ETFA: variants seen among roughly 807,000 people sequenced by gnomAD.
ETFA encodes electron transfer flavoprotein subunit alpha, also known as electron transfer flavoprotein subunit alpha, mitochondrial.
In ETFA, 22 loss-of-function variants were observed where a neutral mutation model predicts 46.2. That is an observed-to-expected ratio of 0.48 (90% CI 0.34 to 0.68). The LOEUF (loss-of-function observed/expected upper bound fraction) is 0.68. Among genes scored for constraint, ETFA ranks in the 30% least tolerant of loss-of-function variants. The probability of loss-of-function intolerance (pLI) is 0.01; values close to 1 mark genes in which losing one functional copy is unlikely to be tolerated. For synonymous variants in ETFA, 131 were observed against 139.9 expected (o/e 0.94, Z 0.45); for missense variants, 345 against 401.1 (o/e 0.86, Z 1.19).
At chr15:76,267,907 C>G (rs2039487795) in intron 9 of ETFA, among the ~76,000 whole-genome samples, 1 of 152,132 alleles carries the variant, frequency 6.6e-6, no homozygotes, top group South Asian at 2.1e-4. Flanking sequence ...AGGTGACAAC[C>G]AGGTGTCTGT....
chr15:76,256,876 C>A (rs1013375711), intron 9 of ETFA, among the ~76,000 whole-genome samples: 1 of 152,220 alleles, frequency 6.6e-6, no homozygotes, highest in East Asian at 1.9e-4. Context: ...GTATTGAGTA[C>A]AGTAACATAC....
intron 9 of ETFA, among the ~76,000 whole-genome samples, chr15:76,263,039 A>T (rs1029185020): frequency 1.2e-4 from 18 of 151,754 alleles, no homozygotes; most frequent in Admixed American, 1.2e-3. Flanking sequence ...TGCTTCTAGC[A>T]CTCCCCTTAT....
At chr15:76,296,279 G>A (rs143113059) in intron 1 of ETFA, among the ~76,000 whole-genome samples, 117 of 152,152 alleles carry the variant, frequency 7.7e-4, no homozygotes, top group Non-Finnish European at 1.5e-3. Context: ...AAATTAGAAC[G>A]CAAATTAGCC....
At chr15:76,228,725 T>G (rs2039030750) in intron 10 of ETFA, 1 of 158,700 alleles carries the variant, frequency 6.3e-6, no homozygotes, top group Non-Finnish European at 1.4e-5. Context: ...ATGCATAGAT[T>G]GTATTCAACC....
At chr15:76,249,435 ATTTTTTTTTT>A (rs375408996) in intron 9 of ETFA, among the ~76,000 whole-genome samples, 2 of 74,806 alleles carry the variant, frequency 2.7e-5, no homozygotes, top group Non-Finnish European at 5.1e-5. Flanking sequence ...GTCCATGGTA[ATTTTTTTTTT>A]TTTTTTTTTT....
chr15:76,281,874 C>G (rs1464527633), intron 8 of ETFA, among the ~76,000 whole-genome samples: 2 of 150,630 alleles, frequency 1.3e-5, no homozygotes, highest in East Asian at 1.9e-4. Flanking sequence ...TCTACATGGG[C>G]CCTAAATGCC....
intron 9 of ETFA, among the ~76,000 whole-genome samples, chr15:76,248,656 T>C (rs1310728788): frequency 6.6e-6 from 1 of 151,984 alleles, no homozygotes; most frequent in African/African-American, 2.4e-5. Flanking sequence ...GTATCCAGAA[T>C]ACATAAAGAA....
intron 8 of ETFA, among the ~76,000 whole-genome samples, chr15:76,277,254 T>C (rs1190484538): frequency 6.6e-6 from 1 of 152,210 alleles, no homozygotes; most frequent in Non-Finnish European, 1.5e-5. Context: ...TCAGGTCAGT[T>C]AGGCTCTGAT....
chr15:76,287,329 A>G (rs1024027255), intron 5 of ETFA, among the ~76,000 whole-genome samples: 4 of 151,946 alleles, frequency 2.6e-5, no homozygotes, highest in African/African-American at 9.7e-5. Flanking sequence ...TGCCTAGCTA[A>G]TTTATTTTAT....
At chr15:76,231,116 T>C in intron 10 of ETFA, 1 of 528,484 alleles carries the variant, frequency 1.9e-6, no homozygotes. Flanking sequence ...AGTGGAGCTA[T>C]AACTCAGGTT....
chr15:76,259,237 C>G, intron 9 of ETFA: 1 of 1,556,530 alleles, frequency 6.4e-7, no homozygotes. Flanking sequence ...TTGGCTCTCT[C>G]GATGTTGATG....
chr15:76,260,357 C>T, intron 9 of ETFA: 1 of 1,429,790 alleles, frequency 7.0e-7, no homozygotes, highest in African/African-American at 1.4e-5. Context: ...TCTTTTGAAG[C>T]AAGATGAGGG....
intron 7 of ETFA, among the ~76,000 whole-genome samples, chr15:76,284,094 A>G (rs1291165467): frequency 6.6e-6 from 1 of 152,212 alleles, no homozygotes; most frequent in Non-Finnish European, 1.5e-5. Flanking sequence ...CAGGATCTAT[A>G]TCTATCTTGG....
intron 9 of ETFA, among the ~76,000 whole-genome samples, chr15:76,263,379 T>C (rs12050896): frequency 0.28 from 43,346 of 152,118 alleles, 6,621 homozygotes; most frequent in East Asian, 0.58. Flanking sequence ...CGCTAGAGCA[T>C]GTGAAAGCGG....
chr15:76,308,110 G>A (rs1231394428), intron 1 of ETFA, among the ~76,000 whole-genome samples: 1 of 152,102 alleles, frequency 6.6e-6, no homozygotes, highest in Non-Finnish European at 1.5e-5. Context: ...AAGGATCCAT[G>A]TATCCATAAA....
chr15:76,232,111 G>A (rs1016973611), intron 9 of ETFA, among the ~76,000 whole-genome samples: 5 of 152,062 alleles, frequency 3.3e-5, no homozygotes, highest in African/African-American at 1.2e-4. Flanking sequence ...CCATACCACA[G>A]TTTTTTGGTA....
chr15:76,274,629 G>A, intron 8 of ETFA, 135 bp from the exon 9 acceptor site: 1 of 754,036 alleles, frequency 1.3e-6, no homozygotes, highest in South Asian at 1.5e-5. Context: ...AAGCTTCAAG[G>A]AATAACTTCT....
chr15:76,260,334 G>T, intron 9 of ETFA: 1 of 1,334,254 alleles, frequency 7.5e-7, no homozygotes, highest in South Asian at 1.2e-5. Flanking sequence ...CCCAAACCAC[G>T]TCTCTTTCGG....
chr15:76,260,939 C>G, intron 9 of ETFA: 2 of 1,611,582 alleles, frequency 1.2e-6, no homozygotes, highest in Admixed American at 3.3e-5. Flanking sequence ...CTGTACAGGA[C>G]TGCAGCAGGG....
Sources: allele counts gnomAD v4.1 joint callset (sites outside exome capture counted in the v4.1 genomes callset), GRCh38; gene constraint gnomAD v4.1.1; transcripts MANE v1.5; gene names NCBI Gene and HGNC (gene_info 2026-07-23, HGNC 2026-07-21).